Variants in FREM2 observed in about 807,000 individuals in gnomAD.
FREM2 encodes the protein FRAS1 related extracellular matrix 2.
In FREM2, 119 loss-of-function variants were observed where a neutral mutation model predicts 219.9. The ratio of observed to expected loss-of-function variants is 0.54; its 90% CI spans 0.47 to 0.63. The LOEUF is 0.63. Among genes scored for constraint, FREM2 ranks in the 30% least tolerant of loss-of-function variants. The pLI is 0.00. For synonymous variants in FREM2, 1,562 were observed against 1,522.8 expected (o/e 1.03, Z -0.60); for missense variants, 4,030 against 3,993.6 (o/e 1.01, Z -0.25).
chr13:38,849,215 A>G (rs551872256), intron 8 of FREM2, among the ~76,000 whole-genome samples: 13 of 152,240 alleles, frequency 8.5e-5, no homozygotes, highest in African/African-American at 3.1e-4. Flanking sequence ...GATGATTTTG[A>G]TAGAATTAGA....
chr13:38,766,714 T>C (rs1056309179), intron 3 of FREM2, among the ~76,000 whole-genome samples: 5 of 152,194 alleles, frequency 3.3e-5, no homozygotes, highest in Non-Finnish European at 7.3e-5. Flanking sequence ...ACTAATAAAC[T>C]AGATATGTAT....
intron 6 of FREM2, among the ~76,000 whole-genome samples, chr13:38,813,120 C>A (rs889050373): frequency 2.6e-5 from 4 of 151,970 alleles, no homozygotes; most frequent in Admixed American, 6.6e-5. Flanking sequence ...TTATACTATT[C>A]TGTGTTTTTC....
At chr13:38,803,249 A>G (rs2137853450) in intron 6 of FREM2, among the ~76,000 whole-genome samples, 1 of 152,280 alleles carries the variant, frequency 6.6e-6, no homozygotes, top group Admixed American at 6.5e-5. Context: ...AGAGTGGAAG[A>G]TCAAGCCCTG....
In FREM2 at chr13:38,691,841, T is replaced by C. The variant is rs1317227935; in HGVS notation, c.4497T>C (p.Asp1499=). The change falls in exon 1 of 24, where the codon GAT becomes GAC. Residue 1499 remains aspartate (D), a synonymous_variant. Coordinates refer to ENST00000280481, the MANE Select transcript of FREM2 (RefSeq NM_207361.6). The stretch of plus-strand genomic sequence containing the variant: ...AAATCTACTACATCCACACAGCTGA[T>C]GATGAAGTGAAAATGGACAGTTTTG... ...GNKIYYIHTA[D]DEVKMDSFEF... 6.2e-7 allele frequency: 1 copy of C among 1,614,120 alleles called. No homozygotes were observed. Among genetic ancestry groups the C allele is most frequent in the Non-Finnish European group, 8.5e-7 (1 of 1,180,020 alleles).
At chr13:38,769,201 T>A (rs988760743) in intron 3 of FREM2, among the ~76,000 whole-genome samples, 2 of 152,206 alleles carry the variant, frequency 1.3e-5, no homozygotes, top group Non-Finnish European at 2.9e-5. Flanking sequence ...TTATTTTTTT[T>A]ATAATATCCA....
chr13:38,811,908 G>C lies in FREM2; in HGVS notation c.6019+27100G>C, dbSNP rs34579176. 2.5e-3 allele frequency among the ~76,000 whole-genome samples: 374 copies of C among 152,144 alleles called. 4 individuals carry two copies. Among genetic ancestry groups the C allele is most frequent in the African/African-American group, 8.5e-3 (352 of 41,536 alleles). The stretch of plus-strand genomic sequence containing the variant: ...ATGTGAAGACTTGAAGTCTCTAGCT[G>C]TTATTGCATTGGGCTCCATCTCTCT... On this transcript the variant is annotated intron_variant, in intron 6 of 23. Transcript: ENST00000280481.
At chr13:38,874,303 T>C (rs978353365) in intron 17 of FREM2, among the ~76,000 whole-genome samples, 179 bp from the exon 18 acceptor site, 6 of 152,206 alleles carry the variant, frequency 3.9e-5, no homozygotes, top group African/African-American at 1.4e-4. Flanking sequence ...GGCTCCCTTT[T>C]CTGCTTAGAA....
chr13:38,862,330 G>A (rs1593451608), intron 15 of FREM2, among the ~76,000 whole-genome samples: 1 of 152,120 alleles, frequency 6.6e-6, no homozygotes, highest in Admixed American at 6.5e-5. Context: ...AAGGGCAGGT[G>A]GTCAGGAATC....
chr13:38,718,388 G>A (rs1052099554), intron 2 of FREM2, among the ~76,000 whole-genome samples: 4 of 152,176 alleles, frequency 2.6e-5, no homozygotes, highest in South Asian at 4.1e-4. Context: ...CTGTGAACAG[G>A]TGAAATCGAG....
intron 2 of FREM2, among the ~76,000 whole-genome samples, chr13:38,741,607 T>G (rs1284752416): frequency 6.6e-6 from 1 of 152,192 alleles, no homozygotes; most frequent in African/African-American, 2.4e-5. Flanking sequence ...TAGCTTTTTT[T>G]GGACACATCA....
chr13:38,713,485 C>T (rs1333622068), intron 2 of FREM2, among the ~76,000 whole-genome samples: 1 of 152,144 alleles, frequency 6.6e-6, no homozygotes, highest in Non-Finnish European at 1.5e-5. Context: ...TACTGAAAAA[C>T]ATTTGATTTT....
At chr13:38,879,572 C>T (rs1258044843) in intron 23 of FREM2, among the ~76,000 whole-genome samples, 2 of 152,190 alleles carry the variant, frequency 1.3e-5, no homozygotes, top group Non-Finnish European at 1.5e-5. Context: ...GAAGCAAGTG[C>T]GGCTTTTAGG....
intron 13 of FREM2, 42 bp downstream of exon 13, chr13:38,858,075 A>G: frequency 6.7e-7 from 1 of 1,481,852 alleles, no homozygotes. Flanking sequence ...TTGTAAGATA[A>G]TTATTTCAAA....
At chr13:38,837,613 C>T (rs1876762863) in intron 6 of FREM2, among the ~76,000 whole-genome samples, 1 of 152,106 alleles carries the variant, frequency 6.6e-6, no homozygotes, top group Non-Finnish European at 1.5e-5. Context: ...CTTTATGAAT[C>T]TGAGTGCTCC....
chr13:38,693,003 C>G (rs945995184), intron 1 of FREM2, among the ~76,000 whole-genome samples: 1 of 152,230 alleles, frequency 6.6e-6, no homozygotes, highest in Non-Finnish European at 1.5e-5. Context: ...GAGCATTGCT[C>G]TGACACGGTT....
At chr13:38,840,644 A>ATATATATATATATATATATATATG (rs1184958401) in intron 6 of FREM2, among the ~76,000 whole-genome samples, 7 of 134,264 alleles carry the variant, frequency 5.2e-5, no homozygotes, top group African/African-American at 2.0e-4. Context: ...ATATATATAT[A>ATATATATATATATATATATATATG]TGTGTATGTA....
rs1869486163 is a variant in FREM2 at position 38,687,154 on chromosome 13, C to G, written c.-191C>G. The G allele has an allele frequency of 1.1e-5, 8 of 744,002 alleles. No homozygotes were observed. The highest frequency in any genetic ancestry group is 8.2e-5 in the Admixed American group (3 of 36,380). 46.1% of individuals were successfully genotyped at this position (744,002 alleles called of 1,614,324 possible). ...GGACGGCCTGGGAAGGCTTCGGCTC[C>G]TCGGCTGCGGCTCCAGCCCGGACGG... On this transcript the variant is annotated 5_prime_UTR_variant, in exon 1 of 24. Transcript: ENST00000280481.
chr13:38,863,896 G>T lies in FREM2; in HGVS notation c.7652-379G>T, dbSNP rs567847409. On this transcript the variant is annotated intron_variant, in intron 15 of 23. Transcript: ENST00000280481. ...TGTCCAGGCTGGAGTGCAGTGGTGC[G>T]ATCTCAGCTCACTGCAACCTCTGCC... is the stretch of plus-strand genomic sequence containing the variant. Among the ~76,000 whole-genome samples the T allele has an allele frequency of 2.0e-5, 3 of 152,014 alleles. No individual in the cohort carries two copies. In the South Asian group the frequency reaches 6.2e-4, roughly 32 times the overall value.
At chr13:38,718,709 A>C (rs1871106046) in intron 2 of FREM2, among the ~76,000 whole-genome samples, 1 of 152,204 alleles carries the variant, frequency 6.6e-6, no homozygotes, top group Non-Finnish European at 1.5e-5. Flanking sequence ...ATATTTATTA[A>C]ACAATTATCT....
Sources: gnomAD v4.1 joint callset for allele counts (sites outside exome capture counted in the v4.1 genomes callset) on GRCh38, gnomAD v4.1.1 for gene constraint, MANE v1.5 for transcripts, NCBI Gene and HGNC (gene_info 2026-07-23, HGNC 2026-07-21) for gene names.